Variants in MACROD2 observed in about 807,000 individuals in gnomAD.
MACROD2 encodes ADP-ribose glycohydrolase MACROD2.
MACROD2 carries 36 observed loss-of-function variants against 70.4 expected under a neutral mutation model. The ratio of observed to expected loss-of-function variants is 0.51; its 90% CI spans 0.39 to 0.68. The LOEUF (loss-of-function observed/expected upper bound fraction) is 0.68. MACROD2 is among the 30% of genes least tolerant of loss of function. The pLI is 0.00. For synonymous variants in MACROD2, 172 were observed against 178.8 expected (o/e 0.96, Z 0.30); for missense variants, 496 against 538.4 (o/e 0.92, Z 0.78).
intron 3 of MACROD2, among the ~76,000 whole-genome samples, chr20:14,260,315 A>G (rs2082091435): frequency 6.6e-6 from 1 of 152,222 alleles, no homozygotes; most frequent in Non-Finnish European, 1.5e-5. Context: ...TTATGCCACT[A>G]GTGGGTAGTG....
intron 8 of MACROD2, among the ~76,000 whole-genome samples, chr20:15,643,575 C>T (rs567931114): frequency 6.6e-6 from 1 of 152,298 alleles, no homozygotes; most frequent in East Asian, 1.9e-4. Flanking sequence ...GCCTTATAGT[C>T]TTATTCACCT....
intron 3 of MACROD2, among the ~76,000 whole-genome samples, chr20:14,226,557 C>T (rs1314033599): frequency 1.3e-5 from 2 of 152,162 alleles, no homozygotes; most frequent in African/African-American, 4.8e-5. Flanking sequence ...TGCGGGCCAG[C>T]TGGAGTTCCG....
At chr20:15,343,406 G>T (rs530241690) in intron 6 of MACROD2, among the ~76,000 whole-genome samples, 1 of 152,138 alleles carries the variant, frequency 6.6e-6, no homozygotes, top group African/African-American at 2.4e-5. Context: ...TATCTTACTT[G>T]TTTGGCCAGA....
intron 5 of MACROD2, among the ~76,000 whole-genome samples, chr20:14,811,499 T>G (rs527892287): frequency 6.6e-6 from 1 of 152,082 alleles, no homozygotes; most frequent in Non-Finnish European, 1.5e-5. Flanking sequence ...CTAGGCAATA[T>G]CATTCAGGAC....
intron 6 of MACROD2, among the ~76,000 whole-genome samples, chr20:15,401,884 A>G (rs991378473): frequency 5.3e-5 from 8 of 152,206 alleles, no homozygotes; most frequent in Non-Finnish European, 8.8e-5. Context: ...ATGCAGATCA[A>G]CAACTGAGGC....
chr20:15,711,444 G>A (rs1248209547), intron 8 of MACROD2, among the ~76,000 whole-genome samples: 4 of 152,192 alleles, frequency 2.6e-5, no homozygotes, highest in Non-Finnish European at 5.9e-5. Flanking sequence ...GACTAACCAA[G>A]CCTTAACTGT....
In MACROD2 at chr20:15,964,147, A is replaced by G. The variant is rs376468069; in HGVS notation, c.908-3406A>G. ...AAATCCAAGGTGCTGCAAGAGTTGT[A>G]TATGCAACTACATTTTTCAGGGTAG... On this transcript the variant is annotated intron_variant, in intron 12 of 17. Coordinates refer to ENST00000684519, the MANE Select transcript of MACROD2 (RefSeq NM_001351661.2). Among the ~76,000 whole-genome samples, 31 of 152,368 alleles carry G rather than the reference A, an allele frequency of 2.0e-4. 1 individual carries two copies. In the South Asian group the frequency reaches 5.8e-3, roughly 28 times the overall value.
chr20:14,689,216 C>T (rs2071035617), intron 5 of MACROD2, among the ~76,000 whole-genome samples: 1 of 152,186 alleles, frequency 6.6e-6, no homozygotes, highest in Non-Finnish European at 1.5e-5. Flanking sequence ...TCAGGTGTCA[C>T]CCTAACCAAC....
chr20:15,144,044 G>A (rs1017709105), intron 5 of MACROD2, among the ~76,000 whole-genome samples: 12 of 151,758 alleles, frequency 7.9e-5, no homozygotes, highest in Admixed American at 2.6e-4. Flanking sequence ...TGGGCCTCAT[G>A]TGGGTCGTGG....
At chr20:14,876,297 G>T (rs900860268) in intron 5 of MACROD2, among the ~76,000 whole-genome samples, 1 of 151,688 alleles carries the variant, frequency 6.6e-6, no homozygotes, top group Non-Finnish European at 1.5e-5. Context: ...TCATGTCCTC[G>T]TTTCACTTTT....
intron 8 of MACROD2, among the ~76,000 whole-genome samples, chr20:15,625,777 G>A (rs958729761): frequency 2.6e-5 from 4 of 152,114 alleles, no homozygotes; most frequent in African/African-American, 4.8e-5. Context: ...CCTAGATTCT[G>A]TCTGGATTCT....
chr20:15,262,567 G>C (rs541306335), intron 6 of MACROD2, among the ~76,000 whole-genome samples: 6 of 152,126 alleles, frequency 3.9e-5, no homozygotes, highest in Admixed American at 6.6e-5. Context: ...ATACCTAGCT[G>C]TGGGATTGCT....
rs775636238 is a variant in MACROD2 at position 14,085,773 on chromosome 20, A to G, written c.271+45A>G. 3.5e-6 allele frequency: 4 copies of G among 1,128,692 alleles called. No individual in the cohort carries two copies. In the Admixed American group the frequency reaches 8.3e-5, roughly 24 times the overall value. The allele number at this position is 1,128,692 out of a possible 1,614,324, so 69.9% of individuals were successfully genotyped here. ...GTGATGTGTTTGTTATGTAAGTATT[A>G]TTTCAAAATTTTTAAATAAATAAGA... On this transcript the variant is annotated intron_variant, in intron 3 of 17. Transcript: ENST00000684519.
At chr20:15,999,411 G>A (rs2066679060) in intron 15 of MACROD2, among the ~76,000 whole-genome samples, 2 of 152,070 alleles carry the variant, frequency 1.3e-5, no homozygotes, top group African/African-American at 4.8e-5. Flanking sequence ...TCTATCCTAG[G>A]GAATGTTCTG....
At chr20:15,879,512 A>C (rs181384480) in intron 9 of MACROD2, among the ~76,000 whole-genome samples, 4 of 152,310 alleles carry the variant, frequency 2.6e-5, no homozygotes, top group Admixed American at 2.6e-4. Flanking sequence ...ATTTTAATAC[A>C]AATAATTGCA....
chr20:14,551,134 G>A (rs189282278), intron 4 of MACROD2, among the ~76,000 whole-genome samples: 2 of 152,062 alleles, frequency 1.3e-5, no homozygotes, highest in Admixed American at 1.3e-4. Flanking sequence ...ATCATGCTCT[G>A]TCAGTCTTTC....
Position 15,301,398 on chromosome 20 carries a change from G to A in MACROD2, c.540+71337G>A, listed in dbSNP as rs115318357. On this transcript the variant is annotated intron_variant, in intron 6 of 17. Transcript: ENST00000684519. The stretch of plus-strand genomic sequence containing the variant: ...TGGGTTCAGAGAATCAGAGAAAGCA[G>A]CTCAAAGAGCAGCTGGGCTCATGGT... Among the ~76,000 whole-genome samples the A allele has an allele frequency of 2.4e-3, 362 of 152,268 alleles. 1 individual carries two copies. The highest frequency in any genetic ancestry group is 8.4e-3 in the African/African-American group (351 of 41,560).
Position 13,995,628 on chromosome 20 carries a change from A to G in MACROD2, c.-136A>G. On this transcript the variant is annotated 5_prime_UTR_variant, in exon 1 of 18. Coordinates refer to ENST00000684519, the MANE Select transcript of MACROD2 (RefSeq NM_001351661.2). The surrounding 1 kb of genome is among the most constrained non-coding windows in gnomAD (Gnocchi z 4.3). ...GGCGACTGGAGAGCGGCGAGCGGCG[A>G]GCAGCGCAGGACGCAGAGCCTCTTT... The G allele has an allele frequency of 1.2e-6, 1 of 816,670 alleles. No homozygotes were observed. Among genetic ancestry groups the G allele is most frequent in the Admixed American group, 2.0e-5 (1 of 49,978 alleles). 50.6% of individuals were successfully genotyped at this position (816,670 alleles called of 1,614,324 possible).
chr20:14,228,816 G>A (rs2081770720), intron 3 of MACROD2, among the ~76,000 whole-genome samples: 1 of 147,338 alleles, frequency 6.8e-6, no homozygotes, highest in Non-Finnish European at 1.5e-5. Flanking sequence ...GTTTAGCCTG[G>A]GCAACATGGC....
Sources: gnomAD v4.1 joint callset for allele counts (sites outside exome capture counted in the v4.1 genomes callset) on GRCh38, gnomAD v4.1.1 for gene constraint, Gnocchi (gnomAD v3.1) non-coding constraint, MANE v1.5 for transcripts, NCBI Gene and HGNC (gene_info 2026-07-23, HGNC 2026-07-21) for gene names.